Variants in KIF13A observed in about 807,000 individuals in gnomAD.
KIF13A encodes kinesin family member 13A, also known as kinesin-like protein KIF13A.
In KIF13A, 79 loss-of-function variants were observed where a neutral mutation model predicts 212.2. The observed-to-expected ratio is 0.37, with a 90% CI of 0.31 to 0.45. The LOEUF (loss-of-function observed/expected upper bound fraction) is 0.45. Ranked by LOEUF, KIF13A falls within the 20% of genes least tolerant of loss-of-function variation. The pLI is 1.00. For missense variants in KIF13A, 1,901 were observed against 2,209.0 expected (o/e 0.86, Z 2.79); for synonymous variants, 789 against 808.6 (o/e 0.98, Z 0.41).
intron 2 of KIF13A, among the ~76,000 whole-genome samples, chr6:17,944,765 T>G (rs969304381): frequency 3.8e-4 from 58 of 152,178 alleles, no homozygotes; most frequent in African/African-American, 1.4e-3. Flanking sequence ...TATTCTATGC[T>G]TGCTTCTCTT....
At chr6:17,767,955 G>T (rs558890364) in intron 38 of KIF13A, among the ~76,000 whole-genome samples, 85 of 152,248 alleles carry the variant, frequency 5.6e-4, no homozygotes, top group African/African-American at 1.9e-3. Context: ...TTCAAATAGG[G>T]AGCAGTTCAC....
At chr6:17,868,977 G>A (rs1249507296) in intron 4 of KIF13A, among the ~76,000 whole-genome samples, 1 of 80,858 alleles carries the variant, frequency 1.2e-5, no homozygotes, top group Non-Finnish European at 2.4e-5. Flanking sequence ...GCGACAGAGG[G>A]AGACTCCCTC....
At chr6:17,975,368 A>G (rs10949471) in intron 2 of KIF13A, among the ~76,000 whole-genome samples, 75,522 of 151,834 alleles carry the variant, frequency 0.5, 20,364 homozygotes, top group African/African-American at 0.73. Flanking sequence ...GCGGACCCTC[A>G]CAATGAATAT....
At chr6:17,972,519 C>G (rs1779893537) in intron 2 of KIF13A, among the ~76,000 whole-genome samples, 1 of 152,172 alleles carries the variant, frequency 6.6e-6, no homozygotes, top group South Asian at 2.1e-4. Flanking sequence ...AACCCTAGAA[C>G]AGAATGTAAG....
At chr6:17,767,313 G>A (rs1759088060) in intron 38 of KIF13A, among the ~76,000 whole-genome samples, 1 of 149,810 alleles carries the variant, frequency 6.7e-6, no homozygotes, top group Non-Finnish European at 1.5e-5. Flanking sequence ...GGAGTGCAAT[G>A]GCGCGATCTT....
chr6:17,823,415 G>GC (rs1764647933), intron 16 of KIF13A, among the ~76,000 whole-genome samples: 2 of 110,226 alleles, frequency 1.8e-5, no homozygotes, highest in African/African-American at 3.5e-5. Flanking sequence ...CTCTCTCCCC[G>GC]CCCCCCACTT....
At chr6:17,868,726 G>A (rs763440305) in intron 4 of KIF13A, among the ~76,000 whole-genome samples, 30 of 151,444 alleles carry the variant, frequency 2.0e-4, no homozygotes, top group Non-Finnish European at 3.5e-4. Context: ...TTCCTGGCTG[G>A]GCACAGTCGC....
chr6:17,940,609 GTT>G (rs1425190089), intron 2 of KIF13A, among the ~76,000 whole-genome samples: 2 of 152,122 alleles, frequency 1.3e-5, no homozygotes, highest in African/African-American at 4.8e-5. Context: ...CCAGTGAAGA[GTT>G]TTCAGGAAGA....
chr6:17,764,095 T>C lies in KIF13A; in HGVS notation c.*15A>G, dbSNP rs116532061. 4.9e-4 allele frequency: 794 copies of C among 1,606,548 alleles called. 3 individuals carry two copies. In the African/African-American group the frequency reaches 8.3e-3, roughly 17 times the overall value. On this transcript the variant is annotated 3_prime_UTR_variant, in exon 39 of 39. Transcript: ENST00000259711. This position sits in a 1 kb window ranked among gnomAD's most constrained non-coding sequence, Gnocchi z 5.1. Reference sequence around the variant, plus strand: ...CGGTGAAGGGCCTCTGGGGTTGACATACAGTTAGACATACTCATTGACAGC... The same window carrying C: ...CGGTGAAGGGCCTCTGGGGTTGACACACAGTTAGACATACTCATTGACAGC...
At chr6:17,952,064 G>A (rs1581832314) in intron 2 of KIF13A, among the ~76,000 whole-genome samples, 1 of 152,112 alleles carries the variant, frequency 6.6e-6, no homozygotes, top group Non-Finnish European at 1.5e-5. Flanking sequence ...AGCACTTTGG[G>A]AGGCCGAGGT....
In KIF13A at chr6:17,850,101, A is replaced by G. The variant is rs1022461463; in HGVS notation, c.717+222T>C. Among the ~76,000 whole-genome samples the G allele has an allele frequency of 6.6e-6, 1 of 152,228 alleles. No homozygotes were observed. Among genetic ancestry groups the G allele is most frequent in the Admixed American group, 6.5e-5 (1 of 15,284 alleles). Reference sequence around the variant, plus strand: ...CTCAGACTCCCAAAATGCTGGAATTACAGGCAGGAGCCACTGCACCAGGCC... The same window carrying G: ...CTCAGACTCCCAAAATGCTGGAATTGCAGGCAGGAGCCACTGCACCAGGCC... On this transcript the variant is annotated intron_variant, in intron 8 of 38. Coordinates refer to ENST00000259711, the MANE Select transcript of KIF13A (RefSeq NM_022113.6). The surrounding 1 kb of genome is among the most constrained non-coding windows in gnomAD (Gnocchi z 6.2).
intron 3 of KIF13A, among the ~76,000 whole-genome samples, chr6:17,894,439 T>G (rs1177118266): frequency 6.6e-6 from 1 of 152,346 alleles, no homozygotes; most frequent in Admixed American, 6.5e-5. Context: ...CTTACTGATA[T>G]GATCACATAG....
rs981358506 is a variant in KIF13A, at chr6:17,811,574, C to T, written c.2001-2644G>A. 4.6e-5 allele frequency among the ~76,000 whole-genome samples: 7 copies of T among 152,160 alleles called. No individual in the cohort carries two copies. The highest frequency in any genetic ancestry group is 1.7e-4 in the African/African-American group (7 of 41,424). The stretch of plus-strand genomic sequence containing the variant: ...TCTGTGGCTTTCTTTGTAATTCTCA[C>T]CAGCGTTTAAATTTACTTGATTCTC... On this transcript the variant is annotated intron_variant, in intron 17 of 38. Transcript: ENST00000259711. The surrounding 1 kb of genome is among the most constrained non-coding windows in gnomAD (Gnocchi z 6.0).
intron 4 of KIF13A, among the ~76,000 whole-genome samples, chr6:17,864,608 A>G (rs665264): frequency 1 from 151,996 of 152,318 alleles, 75,839 homozygotes; most frequent in East Asian, 1. Context: ...CTCCTGTTTC[A>G]GCCTCCTGAG....
intron 9 of KIF13A, among the ~76,000 whole-genome samples, chr6:17,846,428 A>C (rs1295425379): frequency 1.3e-5 from 2 of 152,136 alleles, no homozygotes; most frequent in Non-Finnish European, 2.9e-5. Flanking sequence ...CATATCTCAT[A>C]AACTAGTAAG....
rs897658239 is a variant in KIF13A at position 17,801,180 on chromosome 6, G to C, written c.2455-1067C>G. ...GCCATCAGGCAACTCACAGTAAAGG[G>C]AGGCAAGACAGAGAAGTAACTCACT... On this transcript the variant is annotated intron_variant, in intron 20 of 38. Coordinates refer to ENST00000259711, the MANE Select transcript of KIF13A (RefSeq NM_022113.6). Among the ~76,000 whole-genome samples, 5 of 152,032 alleles carry C rather than the reference G, an allele frequency of 3.3e-5. No homozygotes were observed. The East Asian group carries it at 9.7e-4, about 29-fold the overall frequency.
chr6:17,902,499 C>T (rs766631805), intron 2 of KIF13A, among the ~76,000 whole-genome samples: 9 of 152,102 alleles, frequency 5.9e-5, no homozygotes, highest in Non-Finnish European at 1.0e-4. Flanking sequence ...TCTTCTCTTC[C>T]AGGACAAGCA....
intron 2 of KIF13A, among the ~76,000 whole-genome samples, chr6:17,975,049 A>G (rs1780190795): frequency 6.6e-6 from 1 of 152,198 alleles, no homozygotes; most frequent in Admixed American, 6.5e-5. Context: ...ACTTGTTAGA[A>G]ATGCACATTC....
In KIF13A at chr6:17,768,161, ATTT is replaced by A. The variant is rs757935390; in HGVS notation, c.4581+2950_4581+2952del. 6.6e-6 allele frequency among the ~76,000 whole-genome samples: 1 copy of A among 152,158 alleles called. No homozygotes were observed. Among genetic ancestry groups the A allele is most frequent in the Non-Finnish European group, 1.5e-5 (1 of 68,024 alleles). On this transcript the variant is annotated intron_variant, in intron 38 of 38. Transcript: ENST00000259711. This position sits in a 1 kb window ranked among gnomAD's most constrained non-coding sequence, Gnocchi z 5.4. ...ATATTTTTGAGGGAGTTTGGTTTAG[ATTT>A]TTTATACCAGAAATCTCATTTCTCA...
Sources: allele counts gnomAD v4.1 joint callset (sites outside exome capture counted in the v4.1 genomes callset), GRCh38; gene constraint gnomAD v4.1.1; non-coding constraint Gnocchi (gnomAD v3.1); transcripts MANE v1.5; gene names NCBI Gene and HGNC (gene_info 2026-07-23, HGNC 2026-07-21).